The following ATRNL1 variants were observed in gnomAD, a reference collection of about 807,000 sequenced individuals.
ATRNL1 encodes attractin-like protein 1.
In ATRNL1, 95 loss-of-function variants were observed where a neutral mutation model predicts 182.7. That is an observed-to-expected ratio of 0.52 (90% CI 0.44 to 0.62). ATRNL1 has a LOEUF of 0.62. ATRNL1 is among the 20% of genes least tolerant of loss of function. The pLI, the probability that ATRNL1 is intolerant of heterozygous loss-of-function variation, is 0.00. For missense variants in ATRNL1, 1,471 were observed against 1,679.5 expected, an observed-to-expected ratio of 0.88 and a Z score of 2.17; for synonymous variants, 576 against 568.3, an observed-to-expected ratio of 1.01 and a Z score of -0.19.
At position 115,559,443 on chromosome 10, in the gene ATRNL1, T is replaced by TGTGTGTGCGCGCGC. The variant is rs200694810; in HGVS notation, c.3795+9908_3795+9909insTGTGTGCGCGCGCG. ...GTGTGTGTGTGTGTGTGTGTGTGTG[T>TGTGTGTGCGCGCGC]GCGCGCGCGCACGCACGCACATGCG... On this transcript the variant is annotated intron_variant, in intron 26 of 28. Coordinates refer to ENST00000355044, the MANE Select transcript of ATRNL1 (RefSeq NM_207303.4). Among the ~76,000 whole-genome samples the TGTGTGTGCGCGCGC allele has an allele frequency of 1.4e-4, 11 of 77,862 alleles. No homozygotes were observed. The East Asian group carries it at 1.6e-3, about 11-fold the overall frequency. 51.1% of individuals were successfully genotyped at this position (77,862 alleles called of 152,430 possible). A position where few individuals can be genotyped will look rare whatever the true frequency, so the allele number is the denominator to read the frequency against.
chr10:115,535,571 G>T (rs1294361394), intron 25 of ATRNL1, among the ~76,000 whole-genome samples: 2 of 152,234 alleles, frequency 1.3e-5, no homozygotes, highest in East Asian at 3.9e-4. Context: ...CTGTAGCTCG[G>T]AGCAGTTTGA....
intron 27 of ATRNL1, among the ~76,000 whole-genome samples, chr10:115,732,091 A>T (rs80171613): frequency 4.3e-4 from 65 of 152,150 alleles, no homozygotes; most frequent in African/African-American, 1.6e-3. Flanking sequence ...AGTTGTTTTC[A>T]CCTTTTGGAT....
chr10:115,467,135 A>C, intron 22 of ATRNL1, 39 bp from the exon 23 acceptor site: 3 of 1,185,426 alleles, frequency 2.5e-6, no homozygotes, highest in Non-Finnish European at 3.8e-6. Flanking sequence ...ATCTAGTGTA[A>C]TTTTCGTTTT....
chr10:115,386,593 TG>T (rs1397966592), intron 19 of ATRNL1, among the ~76,000 whole-genome samples: 1 of 152,148 alleles, frequency 6.6e-6, no homozygotes, highest in African/African-American at 2.4e-5. Flanking sequence ...ACTGACATTG[TG>T]GACTTCTCCT....
chr10:115,650,456 T>C (rs782769452), intron 26 of ATRNL1, among the ~76,000 whole-genome samples: 1 of 152,108 alleles, frequency 6.6e-6, no homozygotes, highest in Non-Finnish European at 1.5e-5. Flanking sequence ...GGCACTAATA[T>C]AATTATTAAT....
intron 28 of ATRNL1, among the ~76,000 whole-genome samples, chr10:115,935,109 C>T (rs1350319970): frequency 6.6e-6 from 1 of 152,156 alleles, no homozygotes; most frequent in Non-Finnish European, 1.5e-5. Context: ...ATGGCTTCTG[C>T]CTGCTTCATA....
At chr10:115,683,793 T>C (rs1946131484) in intron 26 of ATRNL1, among the ~76,000 whole-genome samples, 1 of 151,852 alleles carries the variant, frequency 6.6e-6, no homozygotes, top group African/African-American at 2.4e-5. Flanking sequence ...GAAATTTGTA[T>C]AAGCAAATTG....
At chr10:115,916,570 G>T (rs1952859180) in intron 28 of ATRNL1, among the ~76,000 whole-genome samples, 1 of 152,196 alleles carries the variant, frequency 6.6e-6, no homozygotes, top group Admixed American at 6.5e-5. Context: ...TATAGCACTT[G>T]GCTGCACGAT....
chr10:115,751,862 A>G (rs781961000), intron 27 of ATRNL1, among the ~76,000 whole-genome samples: 2 of 152,042 alleles, frequency 1.3e-5, no homozygotes, highest in African/African-American at 2.4e-5. Context: ...TAACAATAAA[A>G]TGATAAACTA....
At chr10:115,334,657 T>C (rs1855396681) in intron 19 of ATRNL1, among the ~76,000 whole-genome samples, 1 of 152,208 alleles carries the variant, frequency 6.6e-6, no homozygotes, top group African/African-American at 2.4e-5. Context: ...TTGTAATTTC[T>C]CAAACACAGA....
Position 115,105,588 on chromosome 10 carries a change from A to T in ATRNL1, c.293+11545A>T, listed in dbSNP as rs1333183109. On this transcript the variant is annotated intron_variant, in intron 1 of 28. Transcript: ENST00000355044. ...CAGGCCTGGAGGCATAGGAGGAAAAAATGGTTTTGTGGGCCAGGCCCAGGG... is the reference window on the plus strand; with the variant it reads ...CAGGCCTGGAGGCATAGGAGGAAAATATGGTTTTGTGGGCCAGGCCCAGGG... 3.9e-5 allele frequency among the ~76,000 whole-genome samples: 6 copies of T among 152,236 alleles called. No homozygotes were observed. In the South Asian group the frequency reaches 8.3e-4, roughly 21 times the overall value.
rs1844675017 is a variant in ATRNL1, at chr10:115,120,394, T to C, written c.377+126T>C. ...AGTTTGTTTATTATTAGATAATATT[T>C]ACAACTTCTAGACATCACATTTAAT... On this transcript the variant is annotated intron_variant, in intron 2 of 28. Coordinates refer to ENST00000355044, the MANE Select transcript of ATRNL1 (RefSeq NM_207303.4). 3 of 485,162 alleles carry C rather than the reference T, an allele frequency of 6.2e-6. No individual in the cohort carries two copies. The East Asian group carries it at 1.1e-4, about 18-fold the overall frequency. The allele number at this position is 485,162 out of a possible 1,614,324, so 30.1% of individuals were successfully genotyped here.
chr10:115,731,315 T>C lies in ATRNL1; in HGVS notation c.3903+3960T>C, dbSNP rs75311591. ...TGGACTGTGGCCCATATTATCTCCA[T>C]GTTTAAAATCAGGAGAGGGAACAAA... On this transcript the variant is annotated intron_variant, in intron 27 of 28. Coordinates refer to ENST00000355044, the MANE Select transcript of ATRNL1 (RefSeq NM_207303.4). 1.7e-3 allele frequency among the ~76,000 whole-genome samples: 252 copies of C among 152,264 alleles called. 2 individuals carry two copies. The highest frequency in any genetic ancestry group is 5.7e-3 in the African/African-American group (237 of 41,566).
chr10:115,434,228 T>C (rs138195652), intron 21 of ATRNL1, among the ~76,000 whole-genome samples: 1 of 152,278 alleles, frequency 6.6e-6, no homozygotes, highest in South Asian at 2.1e-4. Context: ...TAGCATTTAG[T>C]AAATAAAACA....
At chr10:115,626,632 AT>A (rs1449214643) in intron 26 of ATRNL1, among the ~76,000 whole-genome samples, 1 of 152,176 alleles carries the variant, frequency 6.6e-6, no homozygotes, top group Non-Finnish European at 1.5e-5. Context: ...TCTTATTCAA[AT>A]TTGATACTAG....
In ATRNL1 at chr10:115,350,342, AAAAG is replaced by A. The variant is rs1393619179; in HGVS notation, c.3175+15927_3175+15930del. Among the ~76,000 whole-genome samples the A allele has an allele frequency of 3.9e-3, 540 of 138,504 alleles. 71 individuals are homozygous for A. The highest frequency in any genetic ancestry group is 0.011 in the African/African-American group (404 of 36,620). The allele number at this position is 138,504 out of a possible 152,430, so 90.9% of individuals were successfully genotyped here. A position where few individuals can be genotyped will look rare whatever the true frequency, so the allele number is the denominator to read the frequency against. On this transcript the variant is annotated intron_variant, in intron 19 of 28. Coordinates refer to ENST00000355044, the MANE Select transcript of ATRNL1 (RefSeq NM_207303.4). ...AGAGCAAGACTCTGTCTCAAAAAAAAAAAGAAAAAAAAAAAAAAAAAAGAATTTC... is the reference window on the plus strand; with the variant it reads ...AGAGCAAGACTCTGTCTCAAAAAAAAAAAAAAAAAAAAAAAAAAGAATTTC...
At chr10:115,258,334 T>C (rs549105735) in intron 10 of ATRNL1, among the ~76,000 whole-genome samples, 1 of 152,206 alleles carries the variant, frequency 6.6e-6, no homozygotes, top group Non-Finnish European at 1.5e-5. Context: ...TTTTTCTTAC[T>C]TTTTCTTCTC....
intron 10 of ATRNL1, among the ~76,000 whole-genome samples, chr10:115,256,132 C>T (rs1326618633): frequency 6.6e-6 from 1 of 152,144 alleles, no homozygotes; most frequent in Non-Finnish European, 1.5e-5. Context: ...GCTTTGGTAT[C>T]AGGATGATGC....
chr10:115,427,225 G>C (rs187655482), intron 21 of ATRNL1, among the ~76,000 whole-genome samples: 1 of 152,184 alleles, frequency 6.6e-6, no homozygotes, highest in Admixed American at 6.5e-5. Flanking sequence ...AATTACTAAT[G>C]ATGTTCAGCA....
Sources: gnomAD v4.1 joint callset for allele counts (sites outside exome capture counted in the v4.1 genomes callset) on GRCh38, gnomAD v4.1.1 for gene constraint, MANE v1.5 for transcripts, NCBI Gene and HGNC (gene_info 2026-07-23, HGNC 2026-07-21) for gene names.